Variants in CIMAP3 observed in about 807,000 individuals in gnomAD.
CIMAP3 encodes ciliary microtubule-associated protein 3.
At chr1:111,347,894 G>T in the CIMAP3 span, 3 of 681,456 alleles carry the variant, frequency 4.4e-6, no homozygotes, top group African/African-American at 3.6e-5. Context: ...AGAAAAGTAG[G>T]CATTTAAGCA....
chr1:111,337,829 C>T, the CIMAP3 span, among the ~76,000 whole-genome samples: 1 of 152,070 alleles, frequency 6.6e-6, no homozygotes, highest in Non-Finnish European at 1.5e-5. Flanking sequence ...TTGAACTCAG[C>T]TCTGCACCAA....
the CIMAP3 span, among the ~76,000 whole-genome samples, chr1:111,329,901 T>A: frequency 6.6e-6 from 1 of 152,152 alleles, no homozygotes; most frequent in Non-Finnish European, 1.5e-5. Context: ...TTCATTTTTT[T>A]CTTTATTTTT....
the CIMAP3 span, among the ~76,000 whole-genome samples, chr1:111,350,502 A>G: frequency 2.6e-4 from 39 of 152,350 alleles, no homozygotes; most frequent in Admixed American, 6.5e-4. Context: ...ATATCCCTAC[A>G]CAATAGAGGC....
At chr1:111,335,640 C>T in the CIMAP3 span, among the ~76,000 whole-genome samples, 1 of 152,252 alleles carries the variant, frequency 6.6e-6, no homozygotes, top group Non-Finnish European at 1.5e-5. Flanking sequence ...GGCAGCGAGG[C>T]TGGGGGAGGG....
the CIMAP3 span, among the ~76,000 whole-genome samples, chr1:111,336,167 A>G: frequency 1.3e-5 from 2 of 152,218 alleles, no homozygotes; most frequent in African/African-American, 2.4e-5. Context: ...AAACTAACAA[A>G]CAGAAAGGAC....
At chr1:111,346,079 C>T in the CIMAP3 span, among the ~76,000 whole-genome samples, 1 of 152,180 alleles carries the variant, frequency 6.6e-6, no homozygotes, top group Non-Finnish European at 1.5e-5. Flanking sequence ...CGCAAGGCCT[C>T]CAGTTCTTTT....
the CIMAP3 span, among the ~76,000 whole-genome samples, chr1:111,338,004 C>T: frequency 7.6e-4 from 113 of 148,660 alleles, no homozygotes; most frequent in African/African-American, 2.7e-3. Context: ...ATCTCTCAGA[C>T]CACAGTGCAA....
At chr1:111,349,017 C>T in the CIMAP3 span, 10 of 161,434 alleles carry the variant, frequency 6.2e-5, no homozygotes, top group South Asian at 5.2e-4. Flanking sequence ...GTTAGTCAAA[C>T]GATGACACTT....
At chr1:111,333,442 G>C in the CIMAP3 span, among the ~76,000 whole-genome samples, 1 of 152,186 alleles carries the variant, frequency 6.6e-6, no homozygotes, top group Non-Finnish European at 1.5e-5. Context: ...GCTGATAGAG[G>C]GGTGAGGTGT....
chr1:111,328,234 C>A, the CIMAP3 span, among the ~76,000 whole-genome samples: 1 of 152,060 alleles, frequency 6.6e-6, no homozygotes, highest in Non-Finnish European at 1.5e-5. Context: ...GATTTTGGTT[C>A]TTTTACATTT....
chr1:111,348,612 T>C, the CIMAP3 span: 2 of 1,612,288 alleles, frequency 1.2e-6, no homozygotes, highest in Non-Finnish European at 1.7e-6. Context: ...GGTGCCTCGA[T>C]TTAAGAACTA....
At chr1:111,348,368 G>A in the CIMAP3 span, 46 of 785,834 alleles carry the variant, frequency 5.9e-5, no homozygotes, top group Admixed American at 6.5e-4. Flanking sequence ...TCTACCTACC[G>A]AAGACTTATT....
the CIMAP3 span, chr1:111,350,125 GA>G: frequency 6.2e-7 from 1 of 1,613,914 alleles, no homozygotes; most frequent in South Asian, 1.1e-5. Flanking sequence ...ATACAACCCA[GA>G]GAAGAAGCCA....
chr1:111,353,010 C>T, the CIMAP3 span: 1 of 152,200 alleles, frequency 6.6e-6, no homozygotes, highest in East Asian at 1.9e-4. Flanking sequence ...CAAATGAACA[C>T]GAAGACTAAA....
the CIMAP3 span, among the ~76,000 whole-genome samples, chr1:111,327,526 A>C: frequency 0.29 from 43,957 of 151,978 alleles, 7,306 homozygotes; most frequent in South Asian, 0.42. Flanking sequence ...TTACTGATTC[A>C]GTTTCAGAGC....
At chr1:111,352,587 C>T in the CIMAP3 span, 1 of 152,500 alleles carries the variant, frequency 6.6e-6, no homozygotes, top group African/African-American at 2.4e-5. Flanking sequence ...TCAGCAAGAA[C>T]ATACCTAATA....
At chr1:111,325,503 C>T in the CIMAP3 span, among the ~76,000 whole-genome samples, 1 of 152,098 alleles carries the variant, frequency 6.6e-6, no homozygotes, top group African/African-American at 2.4e-5. Context: ...GAATAGAGAT[C>T]TCTATTCTCT....
At chr1:111,332,673 A>T in the CIMAP3 span, among the ~76,000 whole-genome samples, 1 of 152,176 alleles carries the variant, frequency 6.6e-6, no homozygotes, top group Non-Finnish European at 1.5e-5. Context: ...TTTCTGAGAC[A>T]CAGACACAGG....
At chr1:111,329,782 G>A in the CIMAP3 span, among the ~76,000 whole-genome samples, 1 of 151,784 alleles carries the variant, frequency 6.6e-6, no homozygotes, top group African/African-American at 2.4e-5. Context: ...TTGAACTCCT[G>A]ACCTCAGGTA....
Sources: allele counts gnomAD v4.1 joint callset (sites outside exome capture counted in the v4.1 genomes callset), GRCh38; gene constraint gnomAD v4.1.1; transcripts MANE v1.5; gene names NCBI Gene and HGNC (gene_info 2026-07-23, HGNC 2026-07-21).